Variants in LIX1 observed in about 807,000 individuals in gnomAD.
LIX1 encodes protein limb expression 1 homolog.
LIX1 carries 24 observed loss-of-function variants against 33.4 expected under a neutral mutation model. The observed-to-expected ratio is 0.72, with a 90% CI of 0.52 to 1.01. LIX1 has a LOEUF of 1.01. Among genes scored for constraint, LIX1 ranks in the 50% least tolerant of loss-of-function variants. LIX1 has a pLI of 0.00. For missense variants in LIX1, 311 were observed against 339.2 expected (o/e 0.92, Z 0.65); for synonymous variants, 124 against 124.0 (o/e 1.00, Z 0.00).
At chr5:97,106,211 T>C (rs555512434) in intron 3 of LIX1, among the ~76,000 whole-genome samples, 7 of 152,328 alleles carry the variant, frequency 4.6e-5, no homozygotes, top group East Asian at 1.9e-4. Flanking sequence ...TTCACACTTA[T>C]ATAAATCAGG....
intron 3 of LIX1, among the ~76,000 whole-genome samples, chr5:97,105,940 G>A (rs569551574): frequency 3.9e-5 from 6 of 152,280 alleles, no homozygotes; most frequent in African/African-American, 4.8e-5. Context: ...CTATGGACGC[G>A]GATTCCCGGG....
intron 1 of LIX1, among the ~76,000 whole-genome samples, chr5:97,127,328 G>A (rs2112791629): frequency 6.6e-6 from 1 of 152,250 alleles, no homozygotes. Flanking sequence ...AAGCTTTTGG[G>A]ATTAAAAAGT....
chr5:97,095,936 G>A (rs1746353450), intron 5 of LIX1, among the ~76,000 whole-genome samples: 1 of 152,184 alleles, frequency 6.6e-6, no homozygotes, highest in Non-Finnish European at 1.5e-5. Flanking sequence ...CAAAGCCATT[G>A]TCAGCTACTC....
chr5:97,137,715 G>A (rs1748201385), intron 1 of LIX1, among the ~76,000 whole-genome samples: 1 of 152,058 alleles, frequency 6.6e-6, no homozygotes, highest in Non-Finnish European at 1.5e-5. Context: ...GTTTATTTTT[G>A]TTTGGCTTTT....
chr5:97,132,309 G>A (rs183961647), intron 1 of LIX1, among the ~76,000 whole-genome samples: 3 of 152,262 alleles, frequency 2.0e-5, no homozygotes, highest in African/African-American at 4.8e-5. Context: ...CTAAATTGTG[G>A]AACAGAGATG....
intron 2 of LIX1, among the ~76,000 whole-genome samples, chr5:97,110,438 T>A (rs1377913182): frequency 6.6e-6 from 1 of 152,206 alleles, no homozygotes. Flanking sequence ...TTATTTTATT[T>A]TTTTTAATTT....
At chr5:97,117,860 C>T (rs950086202) in intron 2 of LIX1, among the ~76,000 whole-genome samples, 2 of 151,928 alleles carry the variant, frequency 1.3e-5, no homozygotes, top group African/African-American at 2.4e-5. Context: ...GCACTGTGTG[C>T]CACCCCGCAT....
intron 2 of LIX1, 106 bp from the exon 3 acceptor site, chr5:97,107,606 CG>C (rs1386624233): frequency 2.0e-5 from 25 of 1,228,578 alleles, no homozygotes; most frequent in Admixed American, 6.0e-5. Flanking sequence ...ATTTACTGTC[CG>C]CATCTATTCT....
intron 3 of LIX1, among the ~76,000 whole-genome samples, chr5:97,105,628 C>G (rs757506425): frequency 2.6e-5 from 4 of 152,198 alleles, no homozygotes; most frequent in African/African-American, 4.8e-5. Context: ...TGACTTTGCT[C>G]TGATTCCAGT....
chr5:97,124,382 T>C (rs1747857646), intron 2 of LIX1, 84 bp downstream of exon 2: 1 of 1,205,018 alleles, frequency 8.3e-7, no homozygotes, highest in African/African-American at 1.5e-5. Flanking sequence ...TCCAAGAAAA[T>C]TTGTAATGTT....
At chr5:97,141,017 T>G (rs1054919517) in intron 1 of LIX1, among the ~76,000 whole-genome samples, 1 of 152,346 alleles carries the variant, frequency 6.6e-6, no homozygotes. Context: ...CTATCTTCTT[T>G]TCTAAACTGT....
In LIX1 at chr5:97,131,865, A is replaced by G. The variant is rs78106252; in HGVS notation, c.83-7236T>C. Among the ~76,000 whole-genome samples the G allele has an allele frequency of 2.0e-3, 300 of 152,334 alleles. 4 individuals carry two copies. The highest frequency in any genetic ancestry group is 7.1e-3 in the African/African-American group (294 of 41,576). Reference sequence around the variant, plus strand: ...TAGACCACCATGGTGTTCAAACAACATGGGTGTATTGGTGGCAACCATGTC... The same window carrying G: ...TAGACCACCATGGTGTTCAAACAACGTGGGTGTATTGGTGGCAACCATGTC... On this transcript the variant is annotated intron_variant, in intron 1 of 5. Coordinates refer to ENST00000274382, the MANE Select transcript of LIX1 (RefSeq NM_153234.5).
At chr5:97,114,337 A>G (rs1364115930) in intron 2 of LIX1, among the ~76,000 whole-genome samples, 1 of 152,194 alleles carries the variant, frequency 6.6e-6, no homozygotes. Flanking sequence ...GGTCTGTACT[A>G]AAATTCAAAA....
chr5:97,100,569 C>G (rs553121994), intron 4 of LIX1, among the ~76,000 whole-genome samples: 1 of 152,266 alleles, frequency 6.6e-6, no homozygotes, highest in East Asian at 1.9e-4. Flanking sequence ...ACCAAATTCA[C>G]TCTCTTCACA....
chr5:97,140,118 A>G (rs1748254203), intron 1 of LIX1, among the ~76,000 whole-genome samples: 1 of 152,204 alleles, frequency 6.6e-6, no homozygotes, highest in Non-Finnish European at 1.5e-5. Flanking sequence ...GAATTGCATG[A>G]TCATTTACAC....
chr5:97,110,171 A>G (rs947816881), intron 2 of LIX1, among the ~76,000 whole-genome samples: 4 of 152,188 alleles, frequency 2.6e-5, no homozygotes, highest in African/African-American at 9.7e-5. Flanking sequence ...CTGTTTTTGT[A>G]TATTACTTGA....
chr5:97,117,869 A>G (rs1747675612), intron 2 of LIX1, among the ~76,000 whole-genome samples: 1 of 151,956 alleles, frequency 6.6e-6, no homozygotes, highest in African/African-American at 2.4e-5. Context: ...GCCACCCCGC[A>G]TCTCACTACT....
intron 2 of LIX1, among the ~76,000 whole-genome samples, chr5:97,115,525 C>T (rs75681564): frequency 0.044 from 6,733 of 152,268 alleles, 184 homozygotes; most frequent in South Asian, 0.092. Flanking sequence ...ACTGTACTTA[C>T]ATCCCAACTA....
intron 1 of LIX1, chr5:97,137,246 A>T: frequency 6.3e-6 from 2 of 316,326 alleles, no homozygotes; most frequent in South Asian, 5.7e-5. Context: ...ATGGGAGAGC[A>T]GTCAATGAAG....
Sources: allele counts gnomAD v4.1 joint callset (sites outside exome capture counted in the v4.1 genomes callset), GRCh38; gene constraint gnomAD v4.1.1; transcripts MANE v1.5; gene names NCBI Gene and HGNC (gene_info 2026-07-23, HGNC 2026-07-21).